PCBP2: variants seen among roughly 807,000 people sequenced by gnomAD.
PCBP2 encodes the protein poly(rC)-binding protein 2.
In PCBP2, 4 loss-of-function variants were observed where a neutral mutation model predicts 50.1. The observed-to-expected ratio is 0.08, with a 90% CI of 0.04 to 0.18. PCBP2 has a LOEUF of 0.18. Among genes scored for constraint, PCBP2 ranks in the 10% least tolerant of loss-of-function variants. PCBP2 has a pLI of 1.00. For synonymous variants in PCBP2, 179 were observed against 168.0 expected (o/e 1.07, Z -0.51); for missense variants, 161 against 474.3 (o/e 0.34, Z 6.14).
At chr12:53,460,737 T>G in intron 6 of PCBP2, 3 of 304,782 alleles carry the variant, frequency 9.8e-6, no homozygotes, top group Non-Finnish European at 1.9e-5. Flanking sequence ...TATCATTAGT[T>G]GAAAGGCAAC....
rs1941413775 is a variant in PCBP2, at chr12:53,460,996, ATT to A, written c.376-17_376-16del. On this transcript the variant is annotated splice_polypyrimidine_tract_variant and intron_variant, in intron 6 of 14. Coordinates refer to ENST00000546463, the MANE Select transcript of PCBP2 (RefSeq NM_031989.5). Reference sequence around the variant, plus strand: ...ATGAACTGTTTTTCTCTGATTTTGAATTTCTTTTTACTCCAAAGAGTACAGGG... The same window carrying A: ...ATGAACTGTTTTTCTCTGATTTTGAATCTTTTTACTCCAAAGAGTACAGGG... 3 of 1,611,580 alleles carry A rather than the reference ATT, an allele frequency of 1.9e-6. No individual in the cohort carries two copies. In the East Asian group the frequency reaches 6.7e-5, roughly 36 times the overall value.
chr12:53,467,882 G>GT (rs759719654), intron 12 of PCBP2, 39 bp downstream of exon 12: 2 of 1,439,260 alleles, frequency 1.4e-6, no homozygotes, highest in East Asian at 4.5e-5. Context: ...GTATTCTACT[G>GT]TTATATTAAT....
intron 10 of PCBP2, 128 bp from the exon 11 acceptor site, chr12:53,467,093 A>T (rs1207431720): frequency 1.5e-6 from 1 of 666,350 alleles, no homozygotes; most frequent in Non-Finnish European, 2.7e-6. Context: ...CCCCATCCCT[A>T]CCCTCTGTTG....
chr12:53,462,304 C>CT (rs1941504540), intron 7 of PCBP2, among the ~76,000 whole-genome samples, 189 bp from the exon 8 acceptor site: 1 of 152,206 alleles, frequency 6.6e-6, no homozygotes, highest in East Asian at 1.9e-4. Context: ...AGTCCTTGGA[C>CT]TTACTGCATT....
intron 8 of PCBP2, among the ~76,000 whole-genome samples, chr12:53,463,175 G>C (rs995195330): frequency 2.0e-5 from 3 of 152,126 alleles, no homozygotes; most frequent in African/African-American, 7.2e-5. Flanking sequence ...CTGTGGTGCC[G>C]TGACCTTTGG....
At chr12:53,471,979 C>T (rs1942269007) in intron 14 of PCBP2, among the ~76,000 whole-genome samples, 172 bp downstream of exon 14, 1 of 129,442 alleles carries the variant, frequency 7.7e-6, no homozygotes, top group African/African-American at 2.9e-5. Flanking sequence ...AAAAAGTAAA[C>T]TGCAGTAAGT....
At chr12:53,461,888 T>C (rs1941474701) in intron 7 of PCBP2, among the ~76,000 whole-genome samples, 1 of 152,164 alleles carries the variant, frequency 6.6e-6, no homozygotes, top group Admixed American at 6.5e-5. Flanking sequence ...TTTTTATTTT[T>C]TGTAGAGACG....
At chr12:53,461,735 G>GGGTTCACT (rs1178593999) in intron 7 of PCBP2, among the ~76,000 whole-genome samples, 1 of 151,914 alleles carries the variant, frequency 6.6e-6, no homozygotes, top group Non-Finnish European at 1.5e-5. Flanking sequence ...TGTGTGTGAC[G>GGGTTCACT]GGTTCACTTT....
At chr12:53,455,733 A>AGG (rs1183288163) in intron 4 of PCBP2, 152 bp from the exon 5 acceptor site, 3 of 693,158 alleles carry the variant, frequency 4.3e-6, no homozygotes, top group Non-Finnish European at 7.5e-6. Flanking sequence ...GCTATCTTTG[A>AGG]GGATAGTCAT....
chr12:53,455,944 T>A lies in PCBP2; in HGVS notation c.186T>A (p.Ala62=), dbSNP rs750117399. The A allele has an allele frequency of 1.4e-5, 22 of 1,613,920 alleles. No individual in the cohort carries two copies. In the Admixed American group the frequency reaches 3.5e-4, roughly 26 times the overall value. ...GTCCTGAGAGAATTATCACTTTGGC[T>A]GGACCCACTAATGCCATCTTCAAAG... ...GNCPERIITL[A]GPTNAIFKAF... is the part of the protein sequence containing the mutation. Residue 62 remains alanine, a synonymous_variant, in exon 5 of 15, where the codon GCT becomes GCA. Transcript: ENST00000546463.
At chr12:53,455,853 T>G in intron 4 of PCBP2, 32 bp from the exon 5 acceptor site, 1 of 1,435,910 alleles carries the variant, frequency 7.0e-7, no homozygotes, top group East Asian at 2.3e-5. Flanking sequence ...CTTCTTTGTT[T>G]TAACTTCTTT....
At chr12:53,476,893 T>TCC (rs552973781) in intron 14 of PCBP2, among the ~76,000 whole-genome samples, 2 of 152,130 alleles carry the variant, frequency 1.3e-5, no homozygotes, top group African/African-American at 4.8e-5. Context: ...GCTGATACCA[T>TCC]CTCCCCCCAG....
rs1941905421 is a variant in PCBP2, at chr12:53,467,529, T to G, written c.787+236T>G. The stretch of plus-strand genomic sequence containing the variant: ...AGCCCTGGAAGGTTTGGGGGTGAGG[T>G]TTGGGGATGCTTGTCAGGCAAAGGG... On this transcript the variant is annotated intron_variant, in intron 11 of 14. Transcript: ENST00000546463. The G allele has an allele frequency of 1.8e-5, 11 of 619,084 alleles. 1 individual carries two copies. The South Asian group carries it at 2.2e-4, about 12-fold the overall frequency. 38.3% of individuals were successfully genotyped at this position (619,084 alleles called of 1,614,324 possible).
At chr12:53,474,909 A>G (rs1565873618) in intron 14 of PCBP2, 1 of 442,320 alleles carries the variant, frequency 2.3e-6, no homozygotes, top group African/African-American at 2.0e-5. Context: ...AGCCTCCGTC[A>G]CGATCCCTGA....
At chr12:53,479,219 T>C (rs1255656123) in intron 14 of PCBP2, among the ~76,000 whole-genome samples, 187 bp from the exon 15 acceptor site, 1 of 152,214 alleles carries the variant, frequency 6.6e-6, no homozygotes, top group Non-Finnish European at 1.5e-5. Context: ...TCTGAGGTAA[T>C]AGACCTCCAC....
chr12:53,463,087 G>T (rs554454497), intron 8 of PCBP2, among the ~76,000 whole-genome samples: 5 of 152,200 alleles, frequency 3.3e-5, no homozygotes, highest in African/African-American at 1.2e-4. Flanking sequence ...ACACTGGTTT[G>T]AACCCACATG....
Position 53,480,680 on chromosome 12 carries a change from G to A in PCBP2, c.*1238G>A, listed in dbSNP as rs1024820022. 5.9e-5 allele frequency: 9 copies of A among 152,478 alleles called. No homozygotes were observed. Among genetic ancestry groups the A allele is most frequent in the Non-Finnish European group, 1.0e-4 (7 of 68,028 alleles). The allele number at this position is 152,478 out of a possible 1,614,324, so 9.4% of individuals were successfully genotyped here. A position where few individuals can be genotyped will look rare whatever the true frequency, so the allele number is the denominator to read the frequency against. On this transcript the variant is annotated 3_prime_UTR_variant, in exon 15 of 15. Coordinates refer to ENST00000546463, the MANE Select transcript of PCBP2 (RefSeq NM_031989.5). ...CTTAAGACAGGGCTTGGGCAGAGAA[G>A]ATAAATGGTGGGACAAAAAAATGAG... is the stretch of plus-strand genomic sequence containing the variant.
chr12:53,455,174 A>T (rs1053329543), intron 2 of PCBP2, among the ~76,000 whole-genome samples, 173 bp from the exon 3 acceptor site: 1 of 152,222 alleles, frequency 6.6e-6, no homozygotes. Flanking sequence ...AAATCTTTCC[A>T]ATCTTTTGGG....
intron 6 of PCBP2, chr12:53,460,170 TCTCA>T (rs888017014): frequency 1.4e-5 from 3 of 216,534 alleles, no homozygotes; most frequent in Non-Finnish European, 2.9e-5. Flanking sequence ...TGAGACAGGG[TCTCA>T]CTCAGGCTGA....
Sources: gnomAD v4.1 joint callset for allele counts (sites outside exome capture counted in the v4.1 genomes callset) on GRCh38, gnomAD v4.1.1 for gene constraint, MANE v1.5 for transcripts, NCBI Gene and HGNC (gene_info 2026-07-23, HGNC 2026-07-21) for gene names.